BRAP: variants seen among roughly 807,000 people sequenced by gnomAD.
BRAP encodes BRCA1 associated protein, also known as BRCA1-associated protein.
BRAP carries 42 observed loss-of-function variants against 73.4 expected under a neutral mutation model. The ratio of observed to expected loss-of-function variants is 0.57; its 90% CI spans 0.45 to 0.74. The LOEUF is 0.74. BRAP is among the 30% of genes least tolerant of loss of function. BRAP has a pLI of 0.00. For synonymous variants in BRAP, 255 were observed against 267.4 expected (o/e 0.95, Z 0.45); for missense variants, 593 against 751.4 (o/e 0.79, Z 2.46).
At chr12:111,648,278 G>A (rs1446616098) in intron 11 of BRAP, among the ~76,000 whole-genome samples, 8 of 147,030 alleles carry the variant, frequency 5.4e-5, no homozygotes, top group Admixed American at 6.9e-5. Flanking sequence ...AGCCTATTGC[G>A]CCACTGCACT....
chr12:111,682,643 G>A (rs1887649278), intron 2 of BRAP, among the ~76,000 whole-genome samples: 1 of 152,148 alleles, frequency 6.6e-6, no homozygotes, highest in South Asian at 2.1e-4. Context: ...CGGGTGTGGT[G>A]GCTCACACCT....
chr12:111,677,618 C>G (rs1040386554), intron 4 of BRAP, among the ~76,000 whole-genome samples: 1 of 152,054 alleles, frequency 6.6e-6, no homozygotes, highest in Admixed American at 6.6e-5. Flanking sequence ...CAGAAGCCAT[C>G]GATAAACGTT....
intron 4 of BRAP, among the ~76,000 whole-genome samples, chr12:111,674,676 C>T (rs1462793959): frequency 6.6e-6 from 1 of 152,092 alleles, no homozygotes; most frequent in Non-Finnish European, 1.5e-5. Context: ...GAAAATAATC[C>T]GTGTATTGAG....
At chr12:111,662,944 CT>C (rs1344606881) in intron 6 of BRAP, among the ~76,000 whole-genome samples, 1 of 132,094 alleles carries the variant, frequency 7.6e-6, no homozygotes, top group Non-Finnish European at 1.6e-5. Context: ...AAAAGCCCTT[CT>C]AAAAAAAAAA....
At position 111,665,064 on chromosome 12, in the gene BRAP, G is replaced by C. The variant is rs1886889347; in HGVS notation, c.896+575C>G. Among the ~76,000 whole-genome samples, 1 of 152,122 alleles carries C rather than the reference G, an allele frequency of 6.6e-6. No individual in the cohort carries two copies. Among genetic ancestry groups the C allele is most frequent in the South Asian group, 2.1e-4 (1 of 4,826 alleles). On this transcript the variant is annotated intron_variant, in intron 6 of 11. Transcript: ENST00000419234. The surrounding 1 kb of genome is among the most constrained non-coding windows in gnomAD (Gnocchi z 4.3). ...AGTCCCACAGTGCAGTCTGCAAAGG[G>C]AGCAACCATCCTGGATTTAGGGGGT...
At position 111,681,668 on chromosome 12, in the gene BRAP, C is replaced by G. The variant is rs143630478; in HGVS notation, c.412G>C (p.Val138Leu). 6.2e-7 allele frequency: 1 copy of G among 1,608,582 alleles called. No homozygotes were observed. Among genetic ancestry groups the G allele is most frequent in the Non-Finnish European group, 8.5e-7 (1 of 1,177,434 alleles). ...FFSGNPSVEI[V>L]HGIMHLYKTN... The stretch of plus-strand genomic sequence containing the variant: ...TTATATAGGTGCATAATACCATGAA[C>G]TATTTCAACTGATGGATTTCCACTG... Residue 138 changes from valine to leucine, a missense_variant, in exon 3 of 12, where the codon GTT becomes CTT. Coordinates refer to ENST00000419234, the MANE Select transcript of BRAP (RefSeq NM_006768.5).
In BRAP at chr12:111,679,353, A is replaced by T. The variant is rs1168486405; in HGVS notation, c.444-13T>A. 5.3e-6 allele frequency: 8 copies of T among 1,515,884 alleles called. No individual in the cohort carries two copies. In the East Asian group the frequency reaches 1.8e-4, roughly 35 times the overall value. 93.9% of individuals were successfully genotyped at this position (1,515,884 alleles called of 1,614,324 possible). A position where few individuals can be genotyped will look rare whatever the true frequency, so the allele number is the denominator to read the frequency against. On this transcript the variant is annotated splice_polypyrimidine_tract_variant and intron_variant, in intron 3 of 11. Transcript: ENST00000419234. Reference sequence around the variant, plus strand: ...GGAGGTCATCTTACTAACAAAAAAAAAATTAGAGTGTCTTGAATAGATGAG... The same window carrying T: ...GGAGGTCATCTTACTAACAAAAAAATAATTAGAGTGTCTTGAATAGATGAG...
At position 111,685,769 on chromosome 12, in the gene BRAP, G is replaced by A. The variant is rs145117804; in HGVS notation, c.24C>T (p.Ile8=). MSVSLVV[I]RLELAEHSPV... is the part of the protein sequence containing the mutation. ...GCGAGTGTTCCGCGAGCTCCAATCG[G>A]ATAACAACCAGTGACACACTCATAG... The change falls in exon 1 of 12, where the codon ATC becomes ATT. Residue 8 remains isoleucine (I), a synonymous_variant. Coordinates refer to ENST00000419234, the MANE Select transcript of BRAP (RefSeq NM_006768.5). The A allele has an allele frequency of 1.9e-6, 3 of 1,604,742 alleles. No homozygotes were observed.
At chr12:111,653,170 G>A (rs926537939) in intron 10 of BRAP, among the ~76,000 whole-genome samples, 5 of 152,254 alleles carry the variant, frequency 3.3e-5, no homozygotes, top group South Asian at 2.1e-4. Flanking sequence ...CTACATTCTA[G>A]CCTGGGCAAC....
intron 2 of BRAP, among the ~76,000 whole-genome samples, chr12:111,682,243 C>G (rs550305103): frequency 4.6e-5 from 7 of 152,024 alleles, no homozygotes; most frequent in Non-Finnish European, 8.8e-5. Context: ...GCTGGCTGGC[C>G]GGGTGCAGTG....
Position 111,665,921 on chromosome 12 carries a change from C to T in BRAP, c.748-134G>A, listed in dbSNP as rs563631478. On this transcript the variant is annotated intron_variant, in intron 5 of 11. Coordinates refer to ENST00000419234, the MANE Select transcript of BRAP (RefSeq NM_006768.5). This position sits in a 1 kb window ranked among gnomAD's most constrained non-coding sequence, Gnocchi z 4.3. ...CCAGTGGCGCAATCATGGCTCATTA[C>T]AGCCTTGACCTCCCAGGCTCAAGAG... The T allele has an allele frequency of 1.7e-6, 2 of 1,207,446 alleles. No homozygotes were observed. Among genetic ancestry groups the T allele is most frequent in the East Asian group, 2.6e-5 (1 of 39,030 alleles). The allele number at this position is 1,207,446 out of a possible 1,614,324, so 74.8% of individuals were successfully genotyped here.
chr12:111,683,044 G>A, intron 2 of BRAP, 102 bp downstream of exon 2: 3 of 1,316,348 alleles, frequency 2.3e-6, no homozygotes, highest in South Asian at 2.9e-5. Flanking sequence ...AAAGACAAAA[G>A]TATGCTAGAT....
Position 111,679,229 on chromosome 12 carries a change from G to A in BRAP, c.555C>T (p.Asn185=), listed in dbSNP as rs778991696. ...HDLMKFVAPF[N]EVIEQMKIIR... ...TAATTTTCATTTGTTCAATTACTTC[G>A]TTAAATGGGGCAACAAACTTCATAA... Residue 185 remains asparagine, a synonymous_variant, in exon 4 of 12, where the codon AAC becomes AAT. Transcript: ENST00000419234. 1.7e-5 allele frequency: 27 copies of A among 1,610,252 alleles called. No individual in the cohort carries two copies. The highest frequency in any genetic ancestry group is 2.7e-5 in the African/African-American group (2 of 74,780).
intron 4 of BRAP, among the ~76,000 whole-genome samples, chr12:111,675,478 A>G (rs1887345936): frequency 6.7e-6 from 1 of 148,280 alleles, no homozygotes; most frequent in South Asian, 2.2e-4. Flanking sequence ...CTGTTCACAT[A>G]TTTTCTGAGC....
chr12:111,680,787 T>C (rs1407050573), intron 3 of BRAP, among the ~76,000 whole-genome samples: 2 of 151,962 alleles, frequency 1.3e-5, no homozygotes. Context: ...ATCTGGCAAA[T>C]GAGTTAGCAC....
intron 1 of BRAP, among the ~76,000 whole-genome samples, chr12:111,685,359 C>T (rs1423103410): frequency 6.6e-6 from 1 of 152,228 alleles, no homozygotes; most frequent in African/African-American, 2.4e-5. Context: ...ATTTAATTAA[C>T]CCAGGGACCG....
intron 5 of BRAP, among the ~76,000 whole-genome samples, chr12:111,667,628 G>C (rs1245912570): frequency 1.4e-5 from 2 of 143,604 alleles, no homozygotes; most frequent in Non-Finnish European, 3.0e-5. Flanking sequence ...GAACCCAGGA[G>C]GTAGAGGATG....
rs1886626496 is a variant in BRAP, at chr12:111,658,722, A to G, written c.1221+14T>C. The stretch of plus-strand genomic sequence containing the variant: ...GTAGAAACAGATAGAGTGATAACTC[A>G]TTAAATCTCTTACCTCTAACTGTAA... On this transcript the variant is annotated intron_variant, in intron 9 of 11. Coordinates refer to ENST00000419234, the MANE Select transcript of BRAP (RefSeq NM_006768.5). 1.3e-6 allele frequency: 2 copies of G among 1,508,262 alleles called. No individual in the cohort carries two copies. Among genetic ancestry groups the G allele is most frequent in the Non-Finnish European group, 1.8e-6 (2 of 1,086,048 alleles). 93.4% of individuals were successfully genotyped at this position (1,508,262 alleles called of 1,614,324 possible). A position where few individuals can be genotyped will look rare whatever the true frequency, so the allele number is the denominator to read the frequency against.
At chr12:111,644,999 C>T (rs1886056880) in intron 11 of BRAP, among the ~76,000 whole-genome samples, 1 of 151,968 alleles carries the variant, frequency 6.6e-6, no homozygotes, top group Non-Finnish European at 1.5e-5. Context: ...TCAGGTGATC[C>T]ACCTGTCTCG....
Sources: allele counts gnomAD v4.1 joint callset (sites outside exome capture counted in the v4.1 genomes callset), GRCh38; gene constraint gnomAD v4.1.1; non-coding constraint Gnocchi (gnomAD v3.1); transcripts MANE v1.5; gene names NCBI Gene and HGNC (gene_info 2026-07-23, HGNC 2026-07-21).